The following MAP2K5 variants were observed in gnomAD, a reference collection of about 807,000 sequenced individuals.
MAP2K5 encodes the protein dual specificity mitogen-activated protein kinase kinase 5.
A neutral mutation model predicts 83.1 loss-of-function variants in MAP2K5; 49 were observed. The observed-to-expected ratio is 0.59, with a 90% CI of 0.47 to 0.75. The LOEUF is 0.75. Ranked by LOEUF, MAP2K5 falls within the 30% of genes least tolerant of loss-of-function variation. The probability of loss-of-function intolerance (pLI) is 0.00; values close to 1 mark genes in which losing one functional copy is unlikely to be tolerated. For synonymous variants in MAP2K5, 202 were observed against 191.8 expected (o/e 1.05, Z -0.44); for missense variants, 457 against 557.5 (o/e 0.82, Z 1.82).
intron 9 of MAP2K5, among the ~76,000 whole-genome samples, chr15:67,632,716 A>G (rs754974968): frequency 2.8e-4 from 42 of 152,214 alleles, no homozygotes; most frequent in Non-Finnish European, 5.1e-4. Flanking sequence ...TGCATAGTAT[A>G]TATTTCTGCA....
Position 67,722,607 on chromosome 15 carries a change from C to A in MAP2K5, c.1045-5309C>A, listed in dbSNP as rs1306353588. ...TTTAATATTTATTATGGTTCTTCACCAGCATAGTTTCAGATGATTTAAACT... is the reference window on the plus strand; with the variant it reads ...TTTAATATTTATTATGGTTCTTCACAAGCATAGTTTCAGATGATTTAAACT... On this transcript the variant is annotated intron_variant, in intron 16 of 21. Transcript: ENST00000178640. This position sits in a 1 kb window ranked among gnomAD's most constrained non-coding sequence, Gnocchi z 4.2. Among the ~76,000 whole-genome samples the A allele has an allele frequency of 6.6e-6, 1 of 152,072 alleles. No homozygotes were observed. Among genetic ancestry groups the A allele is most frequent in the African/African-American group, 2.4e-5 (1 of 41,396 alleles).
In MAP2K5 at chr15:67,748,386, C is replaced by T; in HGVS notation, c.1101+129C>T. 1.1e-6 allele frequency: 1 copy of T among 884,902 alleles called. No individual in the cohort carries two copies. Among genetic ancestry groups the T allele is most frequent in the Non-Finnish European group, 1.8e-6 (1 of 549,014 alleles). 54.8% of individuals were successfully genotyped at this position (884,902 alleles called of 1,614,324 possible). A position where few individuals can be genotyped will look rare whatever the true frequency, so the allele number is the denominator to read the frequency against. On this transcript the variant is annotated intron_variant, in intron 18 of 21. Coordinates refer to ENST00000178640, the MANE Select transcript of MAP2K5 (RefSeq NM_145160.3). The surrounding 1 kb of genome is among the most constrained non-coding windows in gnomAD (Gnocchi z 4.0). ...GAAGAAAATGCAAACCTTTAACTGC[C>T]TGTATTAGATTAGGTACCATTAGAA...
intron 17 of MAP2K5, among the ~76,000 whole-genome samples, chr15:67,734,840 A>G (rs1341727821): frequency 6.6e-6 from 1 of 151,692 alleles, no homozygotes; most frequent in Non-Finnish European, 1.5e-5. Flanking sequence ...TAATCAAGGA[A>G]AAAATAGCAA....
chr15:67,546,882 T>C (rs1160763499), intron 1 of MAP2K5, among the ~76,000 whole-genome samples: 1 of 152,042 alleles, frequency 6.6e-6, no homozygotes, highest in Admixed American at 6.6e-5. Context: ...CTGGGCAACA[T>C]GGCAAAACCC....
intron 13 of MAP2K5, among the ~76,000 whole-genome samples, chr15:67,681,283 A>G (rs1189990058): frequency 6.6e-6 from 1 of 152,160 alleles, no homozygotes; most frequent in Non-Finnish European, 1.5e-5. Context: ...TGTCAGTGAG[A>G]ATTCAGGATT....
At chr15:67,681,385 G>A (rs11858007) in intron 13 of MAP2K5, among the ~76,000 whole-genome samples, 149,489 of 152,320 alleles carry the variant, frequency 0.98, 73,432 homozygotes, top group Middle Eastern at 1. Flanking sequence ...GCTCAGAGAG[G>A]TTTAAATGAT....
chr15:67,719,722 A>G lies in MAP2K5; in HGVS notation c.1045-8194A>G, dbSNP rs1008495195. Among the ~76,000 whole-genome samples, 2 of 152,168 alleles carry G rather than the reference A, an allele frequency of 1.3e-5. No individual in the cohort carries two copies. Among genetic ancestry groups the G allele is most frequent in the East Asian group, 3.8e-4 (2 of 5,200 alleles). On this transcript the variant is annotated intron_variant, in intron 16 of 21. Coordinates refer to ENST00000178640, the MANE Select transcript of MAP2K5 (RefSeq NM_145160.3). The surrounding 1 kb of genome is among the most constrained non-coding windows in gnomAD (Gnocchi z 4.6). ...GAATAGGTAGGCTGGAAATCTATCT[A>G]CTCATCTGTTGCAACATCTCAGATT...
Position 67,778,514 on chromosome 15 carries a change from G to A in MAP2K5, c.1242+5762G>A, listed in dbSNP as rs1024392749. On this transcript the variant is annotated intron_variant, in intron 21 of 21. Coordinates refer to ENST00000178640, the MANE Select transcript of MAP2K5 (RefSeq NM_145160.3). The surrounding 1 kb of genome is among the most constrained non-coding windows in gnomAD (Gnocchi z 5.0). ...TTAGGGCTATTGCAGTAGGGAGAGT[G>A]TTTATTAATGAGGAATGGCTCAAAG... Among the ~76,000 whole-genome samples the A allele has an allele frequency of 1.6e-4, 24 of 152,160 alleles. No homozygotes were observed. The highest frequency in any genetic ancestry group is 5.6e-4 in the African/African-American group (23 of 41,430).
intron 16 of MAP2K5, among the ~76,000 whole-genome samples, chr15:67,715,923 C>T (rs1476010248): frequency 6.6e-6 from 1 of 152,196 alleles, no homozygotes; most frequent in Non-Finnish European, 1.5e-5. Flanking sequence ...AATGTCCCAT[C>T]CCTGGGGACA....
chr15:67,693,321 T>G (rs1267731154), intron 14 of MAP2K5, among the ~76,000 whole-genome samples, 197 bp from the exon 15 acceptor site: 2 of 152,246 alleles, frequency 1.3e-5, no homozygotes, highest in Non-Finnish European at 2.9e-5. Context: ...ATGCTGTGCT[T>G]GTTTAAACTG....
chr15:67,749,921 C>G lies in MAP2K5; in HGVS notation c.1134+1320C>G, dbSNP rs1168637229. 6.6e-6 allele frequency among the ~76,000 whole-genome samples: 1 copy of G among 152,202 alleles called. No homozygotes were observed. Among genetic ancestry groups the G allele is most frequent in the Non-Finnish European group, 1.5e-5 (1 of 68,036 alleles). ...CCTACCCAGTTTCGTGCACAGCCTT[C>G]TGTGTTTCCTGGGCTCTACCGTTGG... On this transcript the variant is annotated intron_variant, in intron 19 of 21. Transcript: ENST00000178640. This position sits in a 1 kb window ranked among gnomAD's most constrained non-coding sequence, Gnocchi z 4.6.
chr15:67,634,097 G>C (rs143051918), intron 9 of MAP2K5, among the ~76,000 whole-genome samples: 52 of 151,950 alleles, frequency 3.4e-4, no homozygotes, highest in Non-Finnish European at 6.5e-4. Flanking sequence ...GCCTGCTTGT[G>C]CCTGTAATCC....
intron 19 of MAP2K5, among the ~76,000 whole-genome samples, chr15:67,752,214 C>T (rs764643102): frequency 4.6e-5 from 7 of 152,004 alleles, no homozygotes; most frequent in East Asian, 2.0e-4. Flanking sequence ...TACAGGCACA[C>T]GCCACCACAC....
intron 11 of MAP2K5, among the ~76,000 whole-genome samples, chr15:67,651,512 C>T (rs1445557329): frequency 6.6e-6 from 1 of 152,172 alleles, no homozygotes; most frequent in East Asian, 1.9e-4. Flanking sequence ...TAACCAACCC[C>T]TCTTTGTCCT....
At chr15:67,608,852 G>A (rs150636060) in intron 8 of MAP2K5, among the ~76,000 whole-genome samples, 2,163 of 152,278 alleles carry the variant, frequency 0.014, 32 homozygotes, top group Middle Eastern at 0.024. Flanking sequence ...CCACTGGGTT[G>A]TGTTCCCTGG....
chr15:67,611,167 A>C (rs1318667391), intron 8 of MAP2K5, among the ~76,000 whole-genome samples: 2 of 152,238 alleles, frequency 1.3e-5, no homozygotes, highest in African/African-American at 4.8e-5. Context: ...ATCATAATTA[A>C]ATTTTCAGAA....
chr15:67,726,157 A>C (rs1268224260), intron 16 of MAP2K5, among the ~76,000 whole-genome samples: 1 of 152,226 alleles, frequency 6.6e-6, no homozygotes, highest in Non-Finnish European at 1.5e-5. Flanking sequence ...ACAAGATATG[A>C]GTACAAGGTA....
intron 13 of MAP2K5, among the ~76,000 whole-genome samples, chr15:67,666,958 G>A (rs1411721333): frequency 2.6e-5 from 4 of 152,142 alleles, no homozygotes; most frequent in African/African-American, 9.7e-5. Context: ...ATATCCTGTG[G>A]TAATACACCT....
intron 8 of MAP2K5, among the ~76,000 whole-genome samples, chr15:67,605,857 A>G (rs1167051610): frequency 6.6e-6 from 1 of 152,196 alleles, no homozygotes; most frequent in East Asian, 1.9e-4. Flanking sequence ...GATCTTCCTC[A>G]TATCTAGCTA....
Sources: gnomAD v4.1 joint callset for allele counts (sites outside exome capture counted in the v4.1 genomes callset) on GRCh38, gnomAD v4.1.1 for gene constraint, Gnocchi (gnomAD v3.1) non-coding constraint, MANE v1.5 for transcripts, NCBI Gene and HGNC (gene_info 2026-07-23, HGNC 2026-07-21) for gene names.